The following AGAP1 variants were observed in gnomAD, a reference collection of about 807,000 sequenced individuals.
AGAP1 encodes the protein ArfGAP with GTPase domain, ankyrin repeat and PH domain 1.
Under a neutral mutation model 105.3 loss-of-function variants are expected in AGAP1, and 29 were observed. That is an observed-to-expected ratio of 0.28 (90% CI 0.21 to 0.38). The LOEUF is 0.38. Among genes scored for constraint, AGAP1 ranks in the 10% least tolerant of loss-of-function variants. The pLI is 1.00. For missense variants in AGAP1, 998 were observed against 1,165.1 expected (o/e 0.86, Z 2.09); for synonymous variants, 509 against 485.9 (o/e 1.05, Z -0.63).
intron 10 of AGAP1, among the ~76,000 whole-genome samples, chr2:235,885,835 C>T (rs1044558776): frequency 6.6e-6 from 1 of 152,188 alleles, no homozygotes. Context: ...CAGTGGGATT[C>T]GAGATGCAGA....
intron 1 of AGAP1, among the ~76,000 whole-genome samples, chr2:235,572,166 G>A (rs1317472216): frequency 6.6e-6 from 1 of 151,746 alleles, no homozygotes; most frequent in Non-Finnish European, 1.5e-5. Flanking sequence ...TGAAGAAAGT[G>A]TTACCAGGTG....
chr2:235,935,508 C>G (rs1020008648), intron 12 of AGAP1, among the ~76,000 whole-genome samples: 2 of 152,144 alleles, frequency 1.3e-5, no homozygotes, highest in Non-Finnish European at 2.9e-5. Flanking sequence ...GTCCTGCAAC[C>G]TCTTGTGTAG....
chr2:235,614,384 A>G lies in AGAP1; in HGVS notation c.164-94795A>G, dbSNP rs1946239794. Among the ~76,000 whole-genome samples, 1 of 152,136 alleles carries G rather than the reference A, an allele frequency of 6.6e-6. No homozygotes were observed. Among genetic ancestry groups the G allele is most frequent in the South Asian group, 2.1e-4 (1 of 4,822 alleles). On this transcript the variant is annotated intron_variant, in intron 1 of 17. Transcript: ENST00000304032. The surrounding 1 kb of genome is among the most constrained non-coding windows in gnomAD (Gnocchi z 4.7). ...GCTCTTGCTTCAGGTCTCAGATGGC[A>G]TAGGAGTGTGTGTCATCCCAGAGGA...
At chr2:235,907,321 G>A (rs1376112112) in intron 10 of AGAP1, among the ~76,000 whole-genome samples, 4 of 152,118 alleles carry the variant, frequency 2.6e-5, no homozygotes, top group Admixed American at 6.5e-5. Flanking sequence ...CTAAAATTAC[G>A]TTGGCTGAGC....
intron 1 of AGAP1, among the ~76,000 whole-genome samples, chr2:235,667,756 C>T (rs956498405): frequency 1.3e-5 from 2 of 151,854 alleles, no homozygotes; most frequent in South Asian, 2.1e-4. Flanking sequence ...GTCAGGAGTT[C>T]GAGACCAGCA....
rs550521392 is a variant in AGAP1, at chr2:235,659,413, A to T, written c.164-49766A>T. 4.6e-5 allele frequency among the ~76,000 whole-genome samples: 7 copies of T among 152,162 alleles called. No individual in the cohort carries two copies. Among genetic ancestry groups the T allele is most frequent in the Non-Finnish European group, 1.0e-4 (7 of 68,026 alleles). On this transcript the variant is annotated intron_variant, in intron 1 of 17. Transcript: ENST00000304032. This position sits in a 1 kb window ranked among gnomAD's most constrained non-coding sequence, Gnocchi z 5.0. ...TAAGCATTGGCTTTGGTGCACTGGG[A>T]AGGGGCGTCAGCTGGGCAGGCTGAG...
At position 235,733,149 on chromosome 2, in the gene AGAP1, T is replaced by C. The variant is rs1227151795; in HGVS notation, c.311-7814T>C. Among the ~76,000 whole-genome samples the C allele has an allele frequency of 6.6e-6, 1 of 152,160 alleles. No homozygotes were observed. The highest frequency in any genetic ancestry group is 1.5e-5 in the Non-Finnish European group (1 of 68,018). ...GGTTCCCTTCACCCATCCTGCGGGGTGGGAGGAATATATCATTGTTCCCCT... is the reference window on the plus strand; with the variant it reads ...GGTTCCCTTCACCCATCCTGCGGGGCGGGAGGAATATATCATTGTTCCCCT... On this transcript the variant is annotated intron_variant, in intron 3 of 17. Coordinates refer to ENST00000304032, the MANE Select transcript of AGAP1 (RefSeq NM_001037131.3). The surrounding 1 kb of genome is among the most constrained non-coding windows in gnomAD (Gnocchi z 5.0).
rs992510407 is a variant in AGAP1, at chr2:236,044,065, G to A, written c.1891+3224G>A. Among the ~76,000 whole-genome samples the A allele has an allele frequency of 1.3e-5, 2 of 152,148 alleles. No individual in the cohort carries two copies. Among genetic ancestry groups the A allele is most frequent in the African/African-American group, 2.4e-5 (1 of 41,434 alleles). ...CCAGAGCACTGTTTCCAGAGTGGAC[G>A]CTGAGCCTCTGGAGCTTTGGGGGTG... On this transcript the variant is annotated intron_variant, in intron 15 of 17. Transcript: ENST00000304032. This position sits in a 1 kb window ranked among gnomAD's most constrained non-coding sequence, Gnocchi z 5.7.
chr2:235,588,030 G>A (rs1945183214), intron 1 of AGAP1, among the ~76,000 whole-genome samples: 1 of 152,112 alleles, frequency 6.6e-6, no homozygotes, highest in African/African-American at 2.4e-5. Context: ...AGGAGTTTGA[G>A]ACCAGCCTTA....
rs905070573 is a variant in AGAP1, at chr2:235,602,472, G to A, written c.164-106707G>A. Among the ~76,000 whole-genome samples, 11 of 152,104 alleles carry A rather than the reference G, an allele frequency of 7.2e-5. 1 individual carries two copies. Among genetic ancestry groups the A allele is most frequent in the East Asian group, 3.9e-4 (2 of 5,160 alleles). ...CGCCAGGCTCACCCTCACTCCCTCC[G>A]CTCCAGCCACACTCAGTCCCTGCTG... On this transcript the variant is annotated intron_variant, in intron 1 of 17. Transcript: ENST00000304032.
intron 14 of AGAP1, among the ~76,000 whole-genome samples, chr2:236,039,716 G>T (rs568614847): frequency 2.0e-5 from 3 of 151,784 alleles, no homozygotes; most frequent in Non-Finnish European, 4.4e-5. Flanking sequence ...AACAAGTTTC[G>T]TTAGGCTGGA....
chr2:236,086,687 C>T (rs887079198), intron 16 of AGAP1, among the ~76,000 whole-genome samples: 7 of 152,140 alleles, frequency 4.6e-5, no homozygotes, highest in Admixed American at 3.3e-4. Context: ...CGTCTTTAGC[C>T]ATTTTTAATA....
rs534216998 is a variant in AGAP1, at chr2:236,053,613, C to T, written c.2114+4332C>T. Among the ~76,000 whole-genome samples the T allele has an allele frequency of 2.6e-5, 4 of 152,378 alleles. No individual in the cohort carries two copies. Among genetic ancestry groups the T allele is most frequent in the South Asian group, 2.1e-4 (1 of 4,832 alleles). On this transcript the variant is annotated intron_variant, in intron 16 of 17. Transcript: ENST00000304032. This position sits in a 1 kb window ranked among gnomAD's most constrained non-coding sequence, Gnocchi z 4.6. ...TCCTCTTGGCAGAAGCCTCGCTCTGCGTGGCACTGCATCTCCCCATCTTTG... is the reference window on the plus strand; with the variant it reads ...TCCTCTTGGCAGAAGCCTCGCTCTGTGTGGCACTGCATCTCCCCATCTTTG...
chr2:235,531,262 C>T (rs1018567919), intron 1 of AGAP1, among the ~76,000 whole-genome samples: 5 of 152,170 alleles, frequency 3.3e-5, no homozygotes, highest in Non-Finnish European at 5.9e-5. Flanking sequence ...ATGACTGGCA[C>T]TTTTGCAGCC....
intron 12 of AGAP1, among the ~76,000 whole-genome samples, chr2:235,947,117 T>G (rs2053536240): frequency 1.3e-5 from 2 of 152,164 alleles, no homozygotes; most frequent in African/African-American, 4.8e-5. Context: ...AACAAGTGGT[T>G]TTTGGTTACA....
At chr2:235,525,104 A>C (rs1170544909) in intron 1 of AGAP1, among the ~76,000 whole-genome samples, 2 of 152,220 alleles carry the variant, frequency 1.3e-5, no homozygotes, top group Non-Finnish European at 2.9e-5. Context: ...GATTACTTTC[A>C]TTTACTTTCT....
chr2:235,925,074 C>T (rs1169692866), intron 11 of AGAP1, among the ~76,000 whole-genome samples: 1 of 152,162 alleles, frequency 6.6e-6, no homozygotes, highest in Non-Finnish European at 1.5e-5. Flanking sequence ...GGAGAGTACT[C>T]ACCCCCCAAA....
rs1195866035 is a variant in AGAP1, at chr2:235,691,247, G to T, written c.164-17932G>T. Reference sequence around the variant, plus strand: ...CCGTCAATCAAGCACATGCGCATAGGGCTCTGTGCCTGGCCCCAGGACTGT... The same window carrying T: ...CCGTCAATCAAGCACATGCGCATAGTGCTCTGTGCCTGGCCCCAGGACTGT... On this transcript the variant is annotated intron_variant, in intron 1 of 17. Coordinates refer to ENST00000304032, the MANE Select transcript of AGAP1 (RefSeq NM_001037131.3). This position sits in a 1 kb window ranked among gnomAD's most constrained non-coding sequence, Gnocchi z 4.4. Among the ~76,000 whole-genome samples, 3 of 152,080 alleles carry T rather than the reference G, an allele frequency of 2.0e-5. No homozygotes were observed. Among genetic ancestry groups the T allele is most frequent in the Non-Finnish European group, 2.9e-5 (2 of 68,020 alleles).
At chr2:235,942,878 T>C (rs1438403647) in intron 12 of AGAP1, among the ~76,000 whole-genome samples, 1 of 152,070 alleles carries the variant, frequency 6.6e-6, no homozygotes, top group Non-Finnish European at 1.5e-5. Flanking sequence ...AAAAGATTTG[T>C]CAATTTGAGA....
Sources: gnomAD v4.1 joint callset for allele counts (sites outside exome capture counted in the v4.1 genomes callset) on GRCh38, gnomAD v4.1.1 for gene constraint, Gnocchi (gnomAD v3.1) non-coding constraint, MANE v1.5 for transcripts, NCBI Gene and HGNC (gene_info 2026-07-23, HGNC 2026-07-21) for gene names.